KCNB2: variants seen among roughly 807,000 people sequenced by gnomAD.
KCNB2 encodes potassium voltage-gated channel subfamily B member 2.
In KCNB2, 15 loss-of-function variants were observed where a neutral mutation model predicts 61.5. That is an observed-to-expected ratio of 0.24 (90% confidence interval 0.16 to 0.38). The LOEUF is 0.38. Ranked by LOEUF, KCNB2 falls within the 10% of genes least tolerant of loss-of-function variation. KCNB2 has a pLI of 1.00. For missense variants in KCNB2, 828 were observed against 1,125.2 expected (o/e 0.74, Z 3.78); for synonymous variants, 457 against 446.0 (o/e 1.02, Z -0.31).
chr8:72,641,319 T>A (rs529319311), intron 2 of KCNB2, among the ~76,000 whole-genome samples: 11 of 152,256 alleles, frequency 7.2e-5, no homozygotes, highest in African/African-American at 2.2e-4. Flanking sequence ...CACAATATAC[T>A]TATTTTTTCT....
intron 2 of KCNB2, among the ~76,000 whole-genome samples, chr8:72,673,644 C>T (rs1207222632): frequency 6.6e-6 from 1 of 152,172 alleles, no homozygotes; most frequent in Non-Finnish European, 1.5e-5. Context: ...TTATGTGCTA[C>T]AACATGAGTG....
chr8:72,583,240 C>T (rs1479503737), intron 2 of KCNB2, among the ~76,000 whole-genome samples: 1 of 152,068 alleles, frequency 6.6e-6, no homozygotes, highest in Non-Finnish European at 1.5e-5. Context: ...TAATCAGTCC[C>T]TTTTAAATTC....
At chr8:72,765,625 T>C (rs1039592575) in intron 2 of KCNB2, among the ~76,000 whole-genome samples, 10 of 152,234 alleles carry the variant, frequency 6.6e-5, no homozygotes, top group Non-Finnish European at 1.3e-4. Context: ...TTGGGACCTC[T>C]ATCTGTAGAG....
chr8:72,894,586 C>T (rs1263113894), intron 2 of KCNB2, among the ~76,000 whole-genome samples: 3 of 152,054 alleles, frequency 2.0e-5, no homozygotes, highest in African/African-American at 4.8e-5. Context: ...CACTTTTCCC[C>T]TTGCAGCGTG....
intron 2 of KCNB2, among the ~76,000 whole-genome samples, chr8:72,711,344 G>T (rs184365671): frequency 6.6e-6 from 1 of 152,312 alleles, no homozygotes; most frequent in East Asian, 1.9e-4. Context: ...AGCAGCACTC[G>T]TGACTCCCAT....
chr8:72,756,975 C>G (rs1808300429), intron 2 of KCNB2, among the ~76,000 whole-genome samples: 1 of 152,102 alleles, frequency 6.6e-6, no homozygotes, highest in Non-Finnish European at 1.5e-5. Context: ...GTGGCATTGT[C>G]AGATGCTCAG....
intron 2 of KCNB2, among the ~76,000 whole-genome samples, chr8:72,783,693 C>T (rs1808801090): frequency 6.6e-6 from 1 of 152,178 alleles, no homozygotes; most frequent in Non-Finnish European, 1.5e-5. Flanking sequence ...CTGTCATCCA[C>T]TAAATGTAAC....
At chr8:72,690,512 A>T (rs138044015) in intron 2 of KCNB2, among the ~76,000 whole-genome samples, 167 of 152,290 alleles carry the variant, frequency 1.1e-3, no homozygotes, top group African/African-American at 3.8e-3. Flanking sequence ...ACATGCGTGC[A>T]TCTCTCATAG....
At chr8:72,801,420 T>A (rs142130164) in intron 2 of KCNB2, among the ~76,000 whole-genome samples, 1 of 152,344 alleles carries the variant, frequency 6.6e-6, no homozygotes, top group African/African-American at 2.4e-5. Flanking sequence ...CCCATTGTAG[T>A]TCAGGTTTTA....
intron 2 of KCNB2, among the ~76,000 whole-genome samples, chr8:72,901,071 G>T (rs549935420): frequency 6.6e-6 from 1 of 152,134 alleles, no homozygotes; most frequent in Non-Finnish European, 1.5e-5. Context: ...TAGCAAAGAC[G>T]TGGTAGCTTT....
intron 2 of KCNB2, among the ~76,000 whole-genome samples, chr8:72,578,471 T>C (rs1806838954): frequency 1.3e-5 from 2 of 152,180 alleles, no homozygotes; most frequent in Non-Finnish European, 2.9e-5. Flanking sequence ...TCTGCAGGTG[T>C]GAAAATTATT....
chr8:72,592,453 C>CTGTGTG (rs10676983), intron 2 of KCNB2, among the ~76,000 whole-genome samples: 1,887 of 149,678 alleles, frequency 0.013, 15 homozygotes, highest in African/African-American at 0.015. Flanking sequence ...ATTATCAACT[C>CTGTGTG]TGTGTGTGTG....
chr8:72,724,439 T>C (rs2128992997), intron 2 of KCNB2, among the ~76,000 whole-genome samples: 1 of 152,304 alleles, frequency 6.6e-6, no homozygotes, highest in East Asian at 1.9e-4. Context: ...ATTTTGAATC[T>C]GAGTGTTGGA....
At chr8:72,919,626 A>C (rs544901248) in intron 2 of KCNB2, among the ~76,000 whole-genome samples, 25 of 152,340 alleles carry the variant, frequency 1.6e-4, no homozygotes, top group African/African-American at 6.0e-4. Flanking sequence ...TGGAGTGACC[A>C]TATGTAGGTC....
intron 2 of KCNB2, among the ~76,000 whole-genome samples, chr8:72,678,992 G>A (rs977503960): frequency 6.6e-6 from 1 of 151,870 alleles, no homozygotes; most frequent in African/African-American, 2.4e-5. Context: ...TATTTTTTTG[G>A]TGTCTAGATG....
At chr8:72,584,949 A>C (rs1056315378) in intron 2 of KCNB2, among the ~76,000 whole-genome samples, 1 of 152,056 alleles carries the variant, frequency 6.6e-6, no homozygotes, top group African/African-American at 2.4e-5. Context: ...AAGAGGTTGA[A>C]GTCGTTTGGA....
At chr8:72,648,439 A>G (rs186673516) in intron 2 of KCNB2, among the ~76,000 whole-genome samples, 29 of 152,074 alleles carry the variant, frequency 1.9e-4, no homozygotes, top group Non-Finnish European at 3.8e-4. Context: ...TGCCAAGCTA[A>G]TTTTTTATTT....
At chr8:72,777,068 A>T (rs983693477) in intron 2 of KCNB2, among the ~76,000 whole-genome samples, 1 of 152,226 alleles carries the variant, frequency 6.6e-6, no homozygotes, top group South Asian at 2.1e-4. Context: ...TTCTTTATTT[A>T]ATTTAATCCA....
rs548921561 is a variant in KCNB2 at position 72,590,861 on chromosome 8, A to G, written c.579+22548A>G. Among the ~76,000 whole-genome samples, 290 of 152,286 alleles carry G rather than the reference A, an allele frequency of 1.9e-3. 1 individual carries two copies. The highest frequency in any genetic ancestry group is 3.7e-3 in the Non-Finnish European group (253 of 67,986). ...GCTCCTTACGTACTCCAGTTAAAAC[A>G]AAAACAAAAGTTAAAAACACAGCTA... On this transcript the variant is annotated intron_variant, in intron 2 of 2. Coordinates refer to ENST00000523207, the MANE Select transcript of KCNB2 (RefSeq NM_004770.3).
Sources: gnomAD v4.1 joint callset for allele counts (sites outside exome capture counted in the v4.1 genomes callset) on GRCh38, gnomAD v4.1.1 for gene constraint, MANE v1.5 for transcripts, NCBI Gene and HGNC (gene_info 2026-07-23, HGNC 2026-07-21) for gene names.